PIBF1: variants seen among roughly 807,000 people sequenced by gnomAD.
PIBF1 encodes the protein progesterone immunomodulatory binding factor 1, also known as progesterone-induced-blocking factor 1.
In PIBF1, 90 loss-of-function variants were observed where a neutral mutation model predicts 112.5. The ratio of observed to expected loss-of-function variants is 0.80; its 90% CI spans 0.67 to 0.95. The LOEUF (loss-of-function observed/expected upper bound fraction) is 0.95. PIBF1 is among the 40% of genes least tolerant of loss of function. PIBF1 has a pLI of 0.00. For missense variants in PIBF1, 915 were observed against 852.3 expected, an observed-to-expected ratio of 1.07 and a Z score of -0.92; for synonymous variants, 301 against 288.6, an observed-to-expected ratio of 1.04 and a Z score of -0.44.
intron 5 of PIBF1, among the ~76,000 whole-genome samples, chr13:72,814,557 A>G (rs2036179066): frequency 6.6e-6 from 1 of 151,744 alleles, no homozygotes; most frequent in Admixed American, 6.6e-5. Context: ...TAGTGAAACC[A>G]GAGATTAAAG....
At chr13:72,953,674 G>A (rs755726007) in intron 14 of PIBF1, among the ~76,000 whole-genome samples, 1 of 152,150 alleles carries the variant, frequency 6.6e-6, no homozygotes, top group South Asian at 2.1e-4. Flanking sequence ...CTGGTTAGCC[G>A]AGGCAATGCA....
chr13:72,912,909 A>G (rs9530113), intron 12 of PIBF1, among the ~76,000 whole-genome samples: 5 of 151,530 alleles, frequency 3.3e-5, no homozygotes, highest in South Asian at 4.1e-4. Flanking sequence ...ATTATAGTAT[A>G]TGGTATGATT....
At chr13:72,880,194 G>T (rs2039569304) in intron 10 of PIBF1, among the ~76,000 whole-genome samples, 1 of 152,154 alleles carries the variant, frequency 6.6e-6, no homozygotes, top group African/African-American at 2.4e-5. Context: ...CTTTGAACGG[G>T]TAACTCTGTT....
intron 5 of PIBF1, among the ~76,000 whole-genome samples, chr13:72,820,965 C>T (rs1429241721): frequency 6.6e-6 from 1 of 152,098 alleles, no homozygotes; most frequent in African/African-American, 2.4e-5. Flanking sequence ...CAGCGTTGAG[C>T]AAGACAAAAT....
chr13:72,811,566 A>T (rs2036011333), intron 5 of PIBF1, among the ~76,000 whole-genome samples: 1 of 145,948 alleles, frequency 6.9e-6, no homozygotes, highest in African/African-American at 2.6e-5. Context: ...GTTGCTCTCT[A>T]GCCTGGGTGA....
At chr13:73,011,276 G>T (rs573311553) in intron 17 of PIBF1, among the ~76,000 whole-genome samples, 2 of 152,288 alleles carry the variant, frequency 1.3e-5, no homozygotes, top group South Asian at 4.1e-4. Flanking sequence ...AAACCTGAAT[G>T]TAACTGCTAG....
chr13:72,836,533 A>AT (rs1291341389), intron 9 of PIBF1, among the ~76,000 whole-genome samples: 1 of 152,194 alleles, frequency 6.6e-6, no homozygotes, highest in African/African-American at 2.4e-5. Flanking sequence ...AGCCACTACT[A>AT]TAAAAACTAT....
intron 9 of PIBF1, among the ~76,000 whole-genome samples, chr13:72,844,662 G>A (rs1291061905): frequency 1.3e-5 from 2 of 150,884 alleles, no homozygotes; most frequent in South Asian, 2.1e-4. Flanking sequence ...ATTTGCAAAC[G>A]ACATTCCATG....
intron 17 of PIBF1, among the ~76,000 whole-genome samples, chr13:72,999,543 T>C (rs943608983): frequency 4.6e-5 from 7 of 152,142 alleles, no homozygotes; most frequent in Admixed American, 4.6e-4. Context: ...ACATAGAGAC[T>C]CAAAACCAGA....
intron 10 of PIBF1, among the ~76,000 whole-genome samples, chr13:72,875,490 G>GA (rs77620998): frequency 6.7e-6 from 1 of 148,764 alleles, no homozygotes; most frequent in Non-Finnish European, 1.5e-5. Context: ...TAGTGTGGGG[G>GA]AAAAAAAAAA....
chr13:72,870,339 C>T (rs930524846), intron 10 of PIBF1, among the ~76,000 whole-genome samples: 1 of 152,172 alleles, frequency 6.6e-6, no homozygotes, highest in Non-Finnish European at 1.5e-5. Flanking sequence ...ATTATGAACT[C>T]AGCACTTTAC....
Position 72,839,503 on chromosome 13 carries a change from A to T in PIBF1, c.1223+4135A>T, listed in dbSNP as rs553558977. ...TGAACCTCAAGAGAAAGATCTGGGA[A>T]TTAGAGAGGCCTGTGGTATAGATAG... is the stretch of plus-strand genomic sequence containing the variant. On this transcript the variant is annotated intron_variant, in intron 9 of 17. Coordinates refer to ENST00000326291, the MANE Select transcript of PIBF1 (RefSeq NM_006346.4). Among the ~76,000 whole-genome samples the T allele has an allele frequency of 7.2e-5, 11 of 152,302 alleles. No individual in the cohort carries two copies. In the South Asian group the frequency reaches 2.1e-3, roughly 29 times the overall value.
rs923096807 is a variant in PIBF1, at chr13:72,941,823, CTGTT to C, written c.1833+10559_1833+10562del. On this transcript the variant is annotated intron_variant, in intron 14 of 17. Coordinates refer to ENST00000326291, the MANE Select transcript of PIBF1 (RefSeq NM_006346.4). Reference sequence around the variant, plus strand: ...AAATTGCAGAATAATTTCTGTTTCTCTGTTTGGGTTTTAATATATTTGTGTGTGT... The same window carrying C: ...AAATTGCAGAATAATTTCTGTTTCTCTGGGTTTTAATATATTTGTGTGTGT... Among the ~76,000 whole-genome samples, 59 of 152,226 alleles carry C rather than the reference CTGTT, an allele frequency of 3.9e-4. 2 individuals are homozygous for C. The highest frequency in any genetic ancestry group is 1.4e-3 in the African/African-American group (57 of 41,546).
At chr13:72,787,352 G>A (rs1209338496) in intron 2 of PIBF1, among the ~76,000 whole-genome samples, 2 of 152,138 alleles carry the variant, frequency 1.3e-5, no homozygotes, top group African/African-American at 4.8e-5. Flanking sequence ...TGTTTCTTGT[G>A]AGCAGTGATT....
intron 17 of PIBF1, among the ~76,000 whole-genome samples, chr13:73,007,928 T>G (rs1308382689): frequency 6.6e-6 from 1 of 152,202 alleles, no homozygotes; most frequent in Non-Finnish European, 1.5e-5. Flanking sequence ...GCTTAGAAAC[T>G]TCCAGTGTTT....
intron 14 of PIBF1, among the ~76,000 whole-genome samples, chr13:72,963,679 A>C (rs1488214788): frequency 6.6e-6 from 1 of 152,192 alleles, no homozygotes; most frequent in Non-Finnish European, 1.5e-5. Flanking sequence ...TGCAAATTAC[A>C]TATCTAATAA....
intron 13 of PIBF1, among the ~76,000 whole-genome samples, chr13:72,922,769 G>A (rs1182236146): frequency 6.6e-6 from 1 of 151,974 alleles, no homozygotes; most frequent in Non-Finnish European, 1.5e-5. Context: ...TTTTGTCCTT[G>A]GGGAAACTTG....
chr13:72,845,613 G>C (rs2037834646), intron 9 of PIBF1, among the ~76,000 whole-genome samples: 1 of 152,152 alleles, frequency 6.6e-6, no homozygotes, highest in South Asian at 2.1e-4. Context: ...AACTGTTGAA[G>C]TAATTTACAC....
At chr13:72,843,144 T>A (rs1298241793) in intron 9 of PIBF1, among the ~76,000 whole-genome samples, 1 of 152,214 alleles carries the variant, frequency 6.6e-6, no homozygotes, top group Non-Finnish European at 1.5e-5. Flanking sequence ...GAAAGAAACA[T>A]GACTTACTCA....
Sources: allele counts gnomAD v4.1 joint callset (sites outside exome capture counted in the v4.1 genomes callset), GRCh38; gene constraint gnomAD v4.1.1; transcripts MANE v1.5; gene names NCBI Gene and HGNC (gene_info 2026-07-23, HGNC 2026-07-21).